ARHGAP32: variants seen among roughly 807,000 people sequenced by gnomAD.
ARHGAP32 encodes Rho GTPase activating protein 32.
Under a neutral mutation model 186.5 loss-of-function variants are expected in ARHGAP32, and 51 were observed. The ratio of observed to expected loss-of-function variants is 0.27; its 90% CI spans 0.22 to 0.35. The LOEUF is 0.35. Among genes scored for constraint, ARHGAP32 ranks in the 10% least tolerant of loss-of-function variants. The pLI is 1.00. For missense variants in ARHGAP32, 2,186 were observed against 2,623.5 expected (o/e 0.83, Z 3.64); for synonymous variants, 950 against 964.3 (o/e 0.99, Z 0.27).
At chr11:128,995,671 T>C (rs1390803954) in intron 12 of ARHGAP32, among the ~76,000 whole-genome samples, 1 of 152,170 alleles carries the variant, frequency 6.6e-6, no homozygotes, top group Non-Finnish European at 1.5e-5. Context: ...AAATCCCACC[T>C]CTACAAAAAA....
intron 11 of ARHGAP32, among the ~76,000 whole-genome samples, chr11:129,017,019 G>A (rs1938377015): frequency 6.6e-6 from 1 of 152,044 alleles, no homozygotes; most frequent in African/African-American, 2.4e-5. Flanking sequence ...ATTTATTATT[G>A]GTGTACAGAA....
Position 129,052,317 on chromosome 11 carries a change from G to C in ARHGAP32, c.963+9963C>G, listed in dbSNP as rs1386677410. On this transcript the variant is annotated intron_variant, in intron 10 of 22. Transcript: ENST00000682385. ...CTCTCTTGAAAACTGTAGCTTTGTA[G>C]TAAATCTTCAGTTAGTGTTAGTTCT... Among the ~76,000 whole-genome samples, 6 of 152,240 alleles carry C rather than the reference G, an allele frequency of 3.9e-5. No individual in the cohort carries two copies. The East Asian group carries it at 1.2e-3, about 29-fold the overall frequency.
Position 129,192,139 on chromosome 11 carries a change from A to G in ARHGAP32, c.60T>C (p.Ser20=). The G allele has an allele frequency of 6.2e-7, 1 of 1,613,908 alleles. No individual in the cohort carries two copies. The highest frequency in any genetic ancestry group is 8.5e-7 in the Non-Finnish European group (1 of 1,179,842). ...AGTCAGTCACCTGGATTATAACTTC[A>G]GACTCCAACCAGAAGACACTGTCAT... ...LGDDSVFWLE[S]EVIIQVTDCE... The change falls in exon 1 of 23, where the codon TCT becomes TCC. Residue 20 remains serine, a synonymous_variant. Transcript: ENST00000682385.
rs565414335 is a variant in ARHGAP32 at position 129,241,514 on chromosome 11, C to T, written c.-5+37632G>A. ...TGTAAAAATTAGCCGGGTGTGTTGG[C>T]GCACATCTGTAGTCTCAGCTACTCA... On this transcript the variant is annotated intron_variant, in intron 1 of 6. Coordinates refer to the ARHGAP32 transcript ENST00000525234. Among the ~76,000 whole-genome samples the T allele has an allele frequency of 5.1e-4, 78 of 152,012 alleles. 1 individual carries two copies. The highest frequency in any genetic ancestry group is 1.7e-3 in the African/African-American group (71 of 41,450).
At chr11:128,999,394 C>T (rs1946291618) in intron 11 of ARHGAP32, among the ~76,000 whole-genome samples, 1 of 152,184 alleles carries the variant, frequency 6.6e-6, no homozygotes, top group Non-Finnish European at 1.5e-5. Context: ...AATGACAATG[C>T]ATGCACAGCG....
chr11:129,210,093 C>G (rs958586218), intron 1 of ARHGAP32, among the ~76,000 whole-genome samples: 5 of 152,098 alleles, frequency 3.3e-5, no homozygotes, highest in Non-Finnish European at 7.4e-5. Flanking sequence ...TGCCTAACAG[C>G]TGATGCAGAT....
intron 2 of ARHGAP32, among the ~76,000 whole-genome samples, chr11:129,151,846 GA>G (rs1943295127): frequency 6.6e-6 from 1 of 152,026 alleles, no homozygotes; most frequent in South Asian, 2.1e-4. Context: ...AAACTCAGCA[GA>G]AGAAAAGAAA....
intron 1 of ARHGAP32, among the ~76,000 whole-genome samples, chr11:129,275,575 A>G (rs1945520341): frequency 6.6e-6 from 1 of 152,248 alleles, no homozygotes; most frequent in African/African-American, 2.4e-5. Context: ...AAAAAAGTTA[A>G]GTCCTAAATC....
intron 5 of ARHGAP32, among the ~76,000 whole-genome samples, chr11:129,116,675 G>A (rs1387006981): frequency 1.3e-5 from 2 of 151,898 alleles, no homozygotes; most frequent in Non-Finnish European, 2.9e-5. Context: ...TAACAAAATG[G>A]GGAGAGATAA....
At chr11:129,020,717 A>G (rs535668183) in intron 11 of ARHGAP32, among the ~76,000 whole-genome samples, 1 of 152,200 alleles carries the variant, frequency 6.6e-6, no homozygotes, top group East Asian at 1.9e-4. Flanking sequence ...ACTTTTTAAA[A>G]TCAGGAATAT....
At chr11:129,212,973 G>T (rs922918762) in intron 1 of ARHGAP32, among the ~76,000 whole-genome samples, 1 of 150,628 alleles carries the variant, frequency 6.6e-6, no homozygotes, top group Non-Finnish European at 1.5e-5. Flanking sequence ...TACCAAACAT[G>T]ATTAATTTGA....
upstream of ARHGAP32, among the ~76,000 whole-genome samples, chr11:129,279,503 G>C (rs1443405911): frequency 1.4e-5 from 2 of 142,982 alleles, no homozygotes; most frequent in African/African-American, 2.5e-5. Flanking sequence ...TGACGCCTTC[G>C]GGCCGCCCCC....
chr11:129,263,707 G>GAGGAA (rs779795694), intron 1 of ARHGAP32, among the ~76,000 whole-genome samples: 22 of 151,648 alleles, frequency 1.5e-4, no homozygotes, highest in African/African-American at 3.9e-4. Context: ...AAAGAGGAAA[G>GAGGAA]AGGAAAGGAA....
At chr11:128,986,194 T>C (rs1015461952) in intron 14 of ARHGAP32, 109 bp from the exon 15 acceptor site, 13 of 846,914 alleles carry the variant, frequency 1.5e-5, no homozygotes, top group East Asian at 8.2e-5. Flanking sequence ...CTCTTGGATG[T>C]GAAATGGCGA....
chr11:129,086,912 C>T (rs896657035), intron 6 of ARHGAP32, among the ~76,000 whole-genome samples: 2 of 151,276 alleles, frequency 1.3e-5, no homozygotes, highest in African/African-American at 2.4e-5. Flanking sequence ...AAATGAACAA[C>T]CTAATTAAAA....
chr11:128,971,572 CTT>C (rs1048494408), intron 22 of ARHGAP32: 3 of 164,730 alleles, frequency 1.8e-5, no homozygotes, highest in African/African-American at 7.2e-5. Context: ...TCTGGGGAGA[CTT>C]TTGAAATTCA....
intron 6 of ARHGAP32, among the ~76,000 whole-genome samples, chr11:129,086,014 A>C (rs1941379143): frequency 7.2e-6 from 1 of 138,492 alleles, no homozygotes; most frequent in Non-Finnish European, 1.6e-5. Context: ...ACAAACAAAC[A>C]AACAAAAAAA....
chr11:129,059,821 T>G (rs1368747330), intron 10 of ARHGAP32, among the ~76,000 whole-genome samples: 1 of 152,080 alleles, frequency 6.6e-6, no homozygotes, highest in African/African-American at 2.4e-5. Flanking sequence ...AAAAAAAGTT[T>G]GACAGTAACA....
chr11:129,243,803 C>T (rs59222048), intron 1 of ARHGAP32, among the ~76,000 whole-genome samples: 6,258 of 152,180 alleles, frequency 0.041, 152 homozygotes, highest in Middle Eastern at 0.068. Flanking sequence ...CAAAGCCCAG[C>T]GAAAATGTCA....
Sources: gnomAD v4.1 joint callset for allele counts (sites outside exome capture counted in the v4.1 genomes callset) on GRCh38, gnomAD v4.1.1 for gene constraint, MANE v1.5 for transcripts, NCBI Gene and HGNC (gene_info 2026-07-23, HGNC 2026-07-21) for gene names.